Variants in ASAP2 observed in about 807,000 individuals in gnomAD.
ASAP2 encodes arf-GAP with SH3 domain, ANK repeat and PH domain-containing protein 2.
In ASAP2, 45 loss-of-function variants were observed where a neutral mutation model predicts 131.4. The observed-to-expected ratio is 0.34, with a 90% confidence interval of 0.27 to 0.44. The LOEUF (loss-of-function observed/expected upper bound fraction) is 0.44, where lower values mean the gene tolerates loss of function less well. Among genes scored for constraint, ASAP2 ranks in the 20% least tolerant of loss-of-function variants. ASAP2 has a pLI of 1.00. For missense variants in ASAP2, 1,011 were observed against 1,297.0 expected (o/e 0.78, Z 3.39); for synonymous variants, 510 against 503.0 (o/e 1.01, Z -0.19).
At chr2:9,367,743 C>A (rs1572561370) in intron 15 of ASAP2, among the ~76,000 whole-genome samples, 1 of 152,290 alleles carries the variant, frequency 6.6e-6, no homozygotes, top group East Asian at 1.9e-4. Context: ...GCCTGGGCAA[C>A]AGAGCAAGAC....
chr2:9,374,709 G>A, intron 16 of ASAP2, 46 bp from the exon 17 acceptor site: 1 of 1,531,334 alleles, frequency 6.5e-7, no homozygotes, highest in South Asian at 1.2e-5. Flanking sequence ...CCGGACGGCG[G>A]GTAGAAGCCC....
At chr2:9,253,492 G>A (rs1664872346) in intron 1 of ASAP2, among the ~76,000 whole-genome samples, 1 of 152,186 alleles carries the variant, frequency 6.6e-6, no homozygotes. Context: ...GTGCAGTTTA[G>A]TGGGTTTTGT....
In ASAP2 at chr2:9,401,367, G is replaced by A. The variant is rs1175223446; in HGVS notation, c.2917G>A (p.Val973Met). ...CTTCTCCGAGGGGGATGTGATCATC[G>A]TGGACGGGGAGGAGGACCAGGAGTG... ...LTFSEGDVII[V>M]DGEEDQEWWI... The change falls in exon 27 of 28, where the codon GTG (valine) becomes ATG (methionine). Residue 973 changes from valine (V) to methionine (M), a missense_variant. Coordinates refer to ENST00000281419, the MANE Select transcript of ASAP2 (RefSeq NM_003887.3). 1.9e-6 allele frequency: 3 copies of A among 1,613,676 alleles called. No individual in the cohort carries two copies. The highest frequency in any genetic ancestry group is 1.1e-5 in the South Asian group (1 of 91,080).
rs549537505 is a variant in ASAP2 at position 9,242,609 on chromosome 2, T to C, written c.126+35379T>C. On this transcript the variant is annotated intron_variant, in intron 1 of 27. Transcript: ENST00000281419. ...TTCATCCTGAAACTGCTGGGGCTGA[T>C]AGCTGGTCGCGGGATCACCTTTCAA... Among the ~76,000 whole-genome samples the C allele has an allele frequency of 5.9e-5, 9 of 152,334 alleles. No homozygotes were observed. The South Asian group carries it at 1.4e-3, about 25-fold the overall frequency.
At chr2:9,382,805 C>T (rs538088399) in intron 20 of ASAP2, among the ~76,000 whole-genome samples, 3 of 152,340 alleles carry the variant, frequency 2.0e-5, no homozygotes, top group East Asian at 1.9e-4. Flanking sequence ...GGTTCTCCCC[C>T]GACCCCATAC....
At chr2:9,372,387 C>G (rs1416090200) in intron 16 of ASAP2, among the ~76,000 whole-genome samples, 1 of 152,120 alleles carries the variant, frequency 6.6e-6, no homozygotes, top group Non-Finnish European at 1.5e-5. Flanking sequence ...TCCAGTTTCC[C>G]TTTATGGACT....
At chr2:9,330,454 G>A (rs1004926403) in intron 7 of ASAP2, among the ~76,000 whole-genome samples, 3 of 152,098 alleles carry the variant, frequency 2.0e-5, no homozygotes, top group South Asian at 2.1e-4. Flanking sequence ...TTAATACTTA[G>A]TAGGTACAAT....
Position 9,263,128 on chromosome 2 carries a change from G to A in ASAP2, c.127-16189G>A, listed in dbSNP as rs547681610. 5.3e-5 allele frequency among the ~76,000 whole-genome samples: 8 copies of A among 152,300 alleles called. No homozygotes were observed. The East Asian group carries it at 1.5e-3, about 29-fold the overall frequency. On this transcript the variant is annotated intron_variant, in intron 1 of 27. Coordinates refer to ENST00000281419, the MANE Select transcript of ASAP2 (RefSeq NM_003887.3). Reference sequence around the variant, plus strand: ...TGGCCCAGGCCGTGGCTGCATGCTGGCTTTCCACTGTCTCGGTGTCCCTGC... The same window carrying A: ...TGGCCCAGGCCGTGGCTGCATGCTGACTTTCCACTGTCTCGGTGTCCCTGC...
intron 1 of ASAP2, among the ~76,000 whole-genome samples, chr2:9,273,686 G>A (rs777993492): frequency 2.0e-5 from 3 of 152,298 alleles, no homozygotes; most frequent in East Asian, 1.9e-4. Flanking sequence ...CAAAACTGTC[G>A]TTTTGTGTTG....
intron 2 of ASAP2, among the ~76,000 whole-genome samples, chr2:9,280,954 A>G (rs1372891338): frequency 6.6e-6 from 1 of 152,146 alleles, no homozygotes; most frequent in Admixed American, 6.5e-5. Context: ...TGGAGCTCAG[A>G]CCCTGATGGT....
chr2:9,362,374 C>T (rs1673160846), intron 15 of ASAP2, among the ~76,000 whole-genome samples: 1 of 152,152 alleles, frequency 6.6e-6, no homozygotes, highest in South Asian at 2.1e-4. Context: ...TTCAGGGTGA[C>T]ATGCTGTGAC....
At chr2:9,383,814 C>T (rs1280988151) in intron 20 of ASAP2, among the ~76,000 whole-genome samples, 6 of 152,030 alleles carry the variant, frequency 3.9e-5, no homozygotes, top group South Asian at 2.1e-4. Context: ...ACATATACAC[C>T]GTGCAATACT....
intron 2 of ASAP2, among the ~76,000 whole-genome samples, chr2:9,288,184 G>A (rs917190415): frequency 4.6e-5 from 7 of 152,074 alleles, no homozygotes; most frequent in Admixed American, 6.5e-5. Flanking sequence ...AAACCTGTCC[G>A]CAAACCCAAC....
intron 1 of ASAP2, among the ~76,000 whole-genome samples, chr2:9,214,767 C>T (rs1208201119): frequency 7.0e-6 from 1 of 143,564 alleles, no homozygotes; most frequent in Non-Finnish European, 1.5e-5. Context: ...GACAGGATGG[C>T]CTGGACGTCT....
intron 9 of ASAP2, among the ~76,000 whole-genome samples, chr2:9,336,902 C>G (rs1023389109): frequency 1.3e-5 from 2 of 152,208 alleles, no homozygotes; most frequent in Non-Finnish European, 2.9e-5. Flanking sequence ...ACCCATGAAG[C>G]AAAGCTCAGG....
intron 1 of ASAP2, among the ~76,000 whole-genome samples, chr2:9,252,704 A>T (rs1664800982): frequency 6.6e-6 from 1 of 152,050 alleles, no homozygotes. Flanking sequence ...TCACGAGGTC[A>T]GGAGATCGAG....
chr2:9,277,997 C>A (rs1004055582), intron 1 of ASAP2, among the ~76,000 whole-genome samples: 1 of 152,182 alleles, frequency 6.6e-6, no homozygotes, highest in Non-Finnish European at 1.5e-5. Context: ...AGTCCAGAAT[C>A]CATTGCTCTG....
In ASAP2 at chr2:9,333,480, C is replaced by T. The variant is rs369534882; in HGVS notation, c.687-1258C>T. 2.4e-4 allele frequency among the ~76,000 whole-genome samples: 36 copies of T among 152,244 alleles called. 2 individuals carry two copies. The highest frequency in any genetic ancestry group is 2.3e-3 in the East Asian group (12 of 5,188). On this transcript the variant is annotated intron_variant, in intron 7 of 27. Coordinates refer to ENST00000281419, the MANE Select transcript of ASAP2 (RefSeq NM_003887.3). ...GGGGATTATGGAAGGCCTCACTAAC[C>T]GGGGATGTTTAACCTAAAACTTGAA...
At chr2:9,300,486 A>G (rs62121309) in intron 3 of ASAP2, among the ~76,000 whole-genome samples, 13,225 of 152,332 alleles carry the variant, frequency 0.087, 583 homozygotes, top group African/African-American at 0.11. Flanking sequence ...TGGCTTTGCC[A>G]GTTTTTAATA....
Sources: allele counts gnomAD v4.1 joint callset (sites outside exome capture counted in the v4.1 genomes callset), GRCh38; gene constraint gnomAD v4.1.1; transcripts MANE v1.5; gene names NCBI Gene and HGNC (gene_info 2026-07-23, HGNC 2026-07-21).